Variants in NDUFA10 observed in about 807,000 individuals in gnomAD.
NDUFA10 encodes the protein NADH:ubiquinone oxidoreductase subunit A10, also known as NADH dehydrogenase [ubiquinone] 1 alpha subcomplex subunit 10, mitochondrial.
Under a neutral mutation model 47.8 loss-of-function variants are expected in NDUFA10, and 40 were observed. That is an observed-to-expected ratio of 0.84 (90% CI 0.65 to 1.09). NDUFA10 has a LOEUF of 1.09. Ranked by LOEUF, NDUFA10 falls within the 50% of genes least tolerant of loss-of-function variation. The pLI, the probability that NDUFA10 is intolerant of heterozygous loss-of-function variation, is 0.00. For synonymous variants in NDUFA10, 183 were observed against 172.2 expected (o/e 1.06, Z -0.49); for missense variants, 413 against 451.1 (o/e 0.92, Z 0.76).
chr2:239,979,304 A>T (rs1184046628), intron 9 of NDUFA10, among the ~76,000 whole-genome samples: 2 of 134,378 alleles, frequency 1.5e-5, no homozygotes, highest in African/African-American at 5.5e-5. Flanking sequence ...ATTGTGCTTT[A>T]TAGTTAGACC....
intron 4 of NDUFA10, among the ~76,000 whole-genome samples, chr2:239,920,323 G>A (rs1229432792): frequency 2.6e-5 from 4 of 152,210 alleles, no homozygotes; most frequent in Non-Finnish European, 5.9e-5. Flanking sequence ...CCCATCAGCA[G>A]CAGTTTGTAC....
chr2:239,898,183 T>C (rs953128645), intron 4 of NDUFA10, among the ~76,000 whole-genome samples: 5 of 152,168 alleles, frequency 3.3e-5, no homozygotes, highest in Non-Finnish European at 7.3e-5. Flanking sequence ...TCATGGGCAT[T>C]TCTCCTCCAC....
intron 4 of NDUFA10, among the ~76,000 whole-genome samples, chr2:239,903,347 G>C (rs560974166): frequency 1.3e-5 from 2 of 152,342 alleles, no homozygotes; most frequent in East Asian, 3.9e-4. Context: ...GGCTCCTTCT[G>C]CATTTTACCT....
intron 4 of NDUFA10, among the ~76,000 whole-genome samples, chr2:239,899,443 AGGGTTGTGATGGAGGGGTGTGACGGAG>A (rs1306796565): frequency 7.5e-6 from 1 of 133,124 alleles, no homozygotes; most frequent in Non-Finnish European, 1.6e-5. Context: ...AGGAATGTGG[AGGGTTGTGATGGAGGGGTGTGACGGAG>A]GGGTGTGATG....
intron 8 of NDUFA10, among the ~76,000 whole-genome samples, chr2:239,995,555 A>C (rs1264363927): frequency 1.3e-5 from 2 of 152,210 alleles, no homozygotes; most frequent in Non-Finnish European, 2.9e-5. Context: ...AGAAACAACA[A>C]ATGCAGCAAA....
intron 9 of NDUFA10, among the ~76,000 whole-genome samples, chr2:239,982,870 C>T (rs1235242180): frequency 2.0e-5 from 3 of 152,172 alleles, no homozygotes; most frequent in African/African-American, 7.2e-5. Flanking sequence ...TTCCGCTCAG[C>T]ATCTGATGGA....
intron 3 of NDUFA10, among the ~76,000 whole-genome samples, chr2:240,020,097 A>G (rs1697557935): frequency 6.6e-6 from 1 of 151,838 alleles, no homozygotes; most frequent in Non-Finnish European, 1.5e-5. Flanking sequence ...TGTCATGGAC[A>G]CACACTGCAT....
chr2:239,962,192 GCACA>G (rs1382628894), intron 9 of NDUFA10, among the ~76,000 whole-genome samples: 1 of 146,670 alleles, frequency 6.8e-6, no homozygotes, highest in Non-Finnish European at 1.5e-5. Context: ...ATCAGCATGG[GCACA>G]CAGTCAATTT....
chr2:239,955,082 A>T (rs138516759), downstream of NDUFA10, among the ~76,000 whole-genome samples: 898 of 152,286 alleles, frequency 5.9e-3, 5 homozygotes, highest in African/African-American at 0.021. Context: ...GGCACATACC[A>T]TGTTCTTCTC....
chr2:240,019,679 C>T (rs1394816584), intron 3 of NDUFA10, among the ~76,000 whole-genome samples: 1 of 83,884 alleles, frequency 1.2e-5, no homozygotes, highest in African/African-American at 4.7e-5. Context: ...ATTAGCCGGG[C>T]GTAGTGGCGG....
rs1010511534 is a variant in NDUFA10 at position 240,016,209 on chromosome 2, G to A, written c.548-1349C>T. Among the ~76,000 whole-genome samples, 15 of 152,180 alleles carry A rather than the reference G, an allele frequency of 9.9e-5. No individual in the cohort carries two copies. Among genetic ancestry groups the A allele is most frequent in the Non-Finnish European group, 1.9e-4 (13 of 68,036 alleles). Reference sequence around the variant, plus strand: ...GAGGAGGTGTGACAAAGCAAAGGACGGAGGCTGCCAGTGGAGTACCGTTCA... The same window carrying A: ...GAGGAGGTGTGACAAAGCAAAGGACAGAGGCTGCCAGTGGAGTACCGTTCA... On this transcript the variant is annotated intron_variant, in intron 4 of 9. Coordinates refer to ENST00000252711, the MANE Select transcript of NDUFA10 (RefSeq NM_004544.4). The surrounding 1 kb of genome is among the most constrained non-coding windows in gnomAD (Gnocchi z 4.4).
At chr2:240,014,705 G>C (rs752811566) in intron 5 of NDUFA10, 34 bp downstream of exon 5, 9 of 1,613,958 alleles carry the variant, frequency 5.6e-6, no homozygotes, top group Middle Eastern at 3.3e-4. Flanking sequence ...ATTCAAAATA[G>C]AGATGCTTGG....
At position 239,961,085 on chromosome 2, in the gene NDUFA10, A is replaced by C. The variant is rs751621613; in HGVS notation, c.*33T>G. ...GTGCGGCTGATGCAGCTTGGCCATCACTGTGATGCAGCTGGAGCAGAAGGC... is the reference window on the plus strand; with the variant it reads ...GTGCGGCTGATGCAGCTTGGCCATCCCTGTGATGCAGCTGGAGCAGAAGGC... On this transcript the variant is annotated 3_prime_UTR_variant, in exon 10 of 10. Transcript: ENST00000252711. The C allele has an allele frequency of 1.2e-6, 2 of 1,613,828 alleles. No individual in the cohort carries two copies. Among genetic ancestry groups the C allele is most frequent in the Non-Finnish European group, 1.7e-6 (2 of 1,179,914 alleles).
At chr2:240,006,100 C>T (rs186072499) in intron 7 of NDUFA10, among the ~76,000 whole-genome samples, 120 of 152,182 alleles carry the variant, frequency 7.9e-4, no homozygotes, top group African/African-American at 2.9e-3. Context: ...TCACAACAGG[C>T]CAAACTCATG....
chr2:239,893,138 A>G (rs1693324567), intron 5 of NDUFA10, among the ~76,000 whole-genome samples: 3 of 152,188 alleles, frequency 2.0e-5, no homozygotes, highest in Admixed American at 2.0e-4. Context: ...CCCTGCTGAG[A>G]TTCCCCACCA....
At chr2:239,899,377 G>A (rs1350890865) in intron 4 of NDUFA10, among the ~76,000 whole-genome samples, 1 of 110,028 alleles carries the variant, frequency 9.1e-6, no homozygotes, top group African/African-American at 3.2e-5. Context: ...ATGGAGGGGT[G>A]TGGAGGGGTG....
intron 4 of NDUFA10, among the ~76,000 whole-genome samples, chr2:239,916,421 CACACAG>C (rs1161524774): frequency 1.1e-4 from 16 of 150,926 alleles, no homozygotes; most frequent in South Asian, 6.2e-4. Flanking sequence ...GTAGCGCACA[CACACAG>C]ACACAGACAC....
chr2:240,013,016 G>A (rs1697199607), intron 5 of NDUFA10: 1 of 152,246 alleles, frequency 6.6e-6, no homozygotes, highest in Non-Finnish European at 1.5e-5. Flanking sequence ...AGTAGAATAA[G>A]ATTAAATGTT....
intron 9 of NDUFA10, among the ~76,000 whole-genome samples, chr2:239,980,803 A>C (rs1434605208): frequency 1.3e-5 from 2 of 152,210 alleles, no homozygotes; most frequent in African/African-American, 4.8e-5. Context: ...GACGCCCAAG[A>C]GCTGCAGAGA....
Sources: gnomAD v4.1 joint callset for allele counts (sites outside exome capture counted in the v4.1 genomes callset) on GRCh38, gnomAD v4.1.1 for gene constraint, Gnocchi (gnomAD v3.1) non-coding constraint, MANE v1.5 for transcripts, NCBI Gene and HGNC (gene_info 2026-07-23, HGNC 2026-07-21) for gene names.